PRKG1: variants seen among roughly 807,000 people sequenced by gnomAD.
PRKG1 encodes the protein protein kinase cGMP-dependent 1.
PRKG1 carries 35 observed loss-of-function variants against 88.1 expected under a neutral mutation model. That is an observed-to-expected ratio of 0.40 (90% CI 0.30 to 0.53). The LOEUF is 0.53. Ranked by LOEUF, PRKG1 falls within the 20% of genes least tolerant of loss-of-function variation. PRKG1 has a pLI of 0.59. For synonymous variants in PRKG1, 303 were observed against 292.5 expected, an observed-to-expected ratio of 1.04 and a Z score of -0.37; for missense variants, 540 against 839.8, an observed-to-expected ratio of 0.64 and a Z score of 4.41.
rs1412173583 is a variant in PRKG1, at chr10:52,183,536, C to T, written c.1076+21573C>T. Among the ~76,000 whole-genome samples the T allele has an allele frequency of 2.0e-5, 3 of 152,178 alleles. No individual in the cohort carries two copies. In the East Asian group the frequency reaches 5.8e-4, roughly 29 times the overall value. On this transcript the variant is annotated intron_variant, in intron 9 of 17. Transcript: ENST00000373980. ...TGGGTGGCAGGAGTTGGTTTTCCTACCGTCCAGGGCCAGAGTCATAGCTAA... is the reference window on the plus strand; with the variant it reads ...TGGGTGGCAGGAGTTGGTTTTCCTATCGTCCAGGGCCAGAGTCATAGCTAA...
At chr10:51,215,434 A>T (rs80117338) in intron 2 of PRKG1, among the ~76,000 whole-genome samples, 3,051 of 152,170 alleles carry the variant, frequency 0.02, 45 homozygotes, top group Middle Eastern at 0.051. Flanking sequence ...TCATATACAT[A>T]TTTTCTTAGG....
At chr10:51,673,126 A>C (rs1840625661) in intron 3 of PRKG1, among the ~76,000 whole-genome samples, 1 of 152,162 alleles carries the variant, frequency 6.6e-6, no homozygotes, top group South Asian at 2.1e-4. Flanking sequence ...TTTGTTTAAT[A>C]AATGTGTACT....
intron 9 of PRKG1, among the ~76,000 whole-genome samples, chr10:52,196,305 C>T (rs1015064228): frequency 7.2e-5 from 11 of 152,080 alleles, no homozygotes; most frequent in Non-Finnish European, 1.3e-4. Flanking sequence ...CGTGAGCCAC[C>T]GCGCCAGGCC....
chr10:51,254,300 G>A (rs186971312), intron 2 of PRKG1, among the ~76,000 whole-genome samples: 22 of 151,848 alleles, frequency 1.4e-4, no homozygotes, highest in East Asian at 7.7e-4. Context: ...TTCATGTCTC[G>A]CTCATATTGT....
At chr10:51,830,949 G>T (rs1231395446) in intron 4 of PRKG1, among the ~76,000 whole-genome samples, 1 of 144,576 alleles carries the variant, frequency 6.9e-6, no homozygotes, top group Non-Finnish European at 1.5e-5. Context: ...CTAAATCTGT[G>T]CTACCTTTCT....
At chr10:52,057,871 C>A in intron 6 of PRKG1, among the ~76,000 whole-genome samples, 1 of 151,620 alleles carries the variant, frequency 6.6e-6, no homozygotes, top group Non-Finnish European at 1.5e-5. Context: ...TATGGTGAAA[C>A]CTCTGAGAAA....
intron 6 of PRKG1, among the ~76,000 whole-genome samples, chr10:52,059,475 T>A (rs1405170202): frequency 6.6e-6 from 1 of 151,560 alleles, no homozygotes; most frequent in Non-Finnish European, 1.5e-5. Flanking sequence ...AACTATTGAA[T>A]CTTGCAACAA....
chr10:51,984,505 A>T (rs968492144), intron 5 of PRKG1, among the ~76,000 whole-genome samples: 1 of 152,242 alleles, frequency 6.6e-6, no homozygotes, highest in African/African-American at 2.4e-5. Context: ...AATTGTAAGT[A>T]GCTCAATTGT....
chr10:52,064,107 G>A (rs1846301261), intron 7 of PRKG1, among the ~76,000 whole-genome samples: 1 of 152,152 alleles, frequency 6.6e-6, no homozygotes, highest in South Asian at 2.1e-4. Context: ...CCACGTTTCT[G>A]CCCAGGAACC....
chr10:51,904,756 TGAGGCATTTAAAA>T (rs1403247800), intron 4 of PRKG1, among the ~76,000 whole-genome samples: 1 of 152,132 alleles, frequency 6.6e-6, no homozygotes, highest in Non-Finnish European at 1.5e-5. Flanking sequence ...CTCAATGTTT[TGAGGCATTTAAAA>T]GAGGCATTTA....
intron 2 of PRKG1, among the ~76,000 whole-genome samples, chr10:51,233,071 C>T (rs1002604467): frequency 6.6e-5 from 10 of 152,042 alleles, no homozygotes; most frequent in Admixed American, 6.6e-5. Context: ...TGAGAATATG[C>T]AAGATACATA....
At chr10:51,728,889 A>G (rs1589238157) in intron 3 of PRKG1, among the ~76,000 whole-genome samples, 2 of 152,230 alleles carry the variant, frequency 1.3e-5, no homozygotes, top group South Asian at 4.1e-4. Flanking sequence ...GTAGTTAAAT[A>G]TGTTGTACTT....
intron 3 of PRKG1, among the ~76,000 whole-genome samples, chr10:51,471,334 A>G (rs1031146987): frequency 2.6e-5 from 4 of 151,788 alleles, no homozygotes; most frequent in Admixed American, 6.6e-5. Flanking sequence ...TTAATATTTT[A>G]TCTAAATATT....
At chr10:51,635,067 T>A (rs188869571) in intron 3 of PRKG1, among the ~76,000 whole-genome samples, 29 of 152,178 alleles carry the variant, frequency 1.9e-4, no homozygotes, top group African/African-American at 7.0e-4. Flanking sequence ...AAAAACAACC[T>A]GTGCACATAC....
intron 5 of PRKG1, among the ~76,000 whole-genome samples, chr10:52,037,906 C>T (rs753783206): frequency 5.6e-4 from 83 of 148,740 alleles, no homozygotes; most frequent in Non-Finnish European, 8.8e-4. Flanking sequence ...ACTGAGGGGA[C>T]AGGCGGGAGG....
intron 3 of PRKG1, among the ~76,000 whole-genome samples, chr10:51,578,574 C>T (rs61849858): frequency 0.14 from 21,899 of 152,008 alleles, 2,087 homozygotes; most frequent in Admixed American, 0.25. Context: ...TCTCACAGGG[C>T]CAAGAACTTC....
chr10:51,893,351 C>A (rs1403923538), intron 4 of PRKG1, among the ~76,000 whole-genome samples: 2 of 151,910 alleles, frequency 1.3e-5, no homozygotes, highest in African/African-American at 4.8e-5. Flanking sequence ...TTACACAGAC[C>A]AGGGTAATCA....
chr10:51,404,937 C>T (rs1232363826), intron 2 of PRKG1, among the ~76,000 whole-genome samples: 2 of 152,098 alleles, frequency 1.3e-5, no homozygotes, highest in Non-Finnish European at 2.9e-5. Flanking sequence ...TCTTACTCTT[C>T]TTGTTTCTTT....
chr10:51,782,427 A>G (rs1838616625), intron 3 of PRKG1, among the ~76,000 whole-genome samples: 1 of 152,132 alleles, frequency 6.6e-6, no homozygotes, highest in African/African-American at 2.4e-5. Flanking sequence ...CAAGCACTGT[A>G]TCTTCATATC....
Sources: allele counts gnomAD v4.1 joint callset (sites outside exome capture counted in the v4.1 genomes callset), GRCh38; gene constraint gnomAD v4.1.1; transcripts MANE v1.5; gene names NCBI Gene and HGNC (gene_info 2026-07-23, HGNC 2026-07-21).